FHAD1: variants seen among roughly 807,000 people sequenced by gnomAD.
FHAD1 encodes forkhead associated phosphopeptide binding domain 1.
In FHAD1, 146 loss-of-function variants were observed where a neutral mutation model predicts 191.3. The ratio of observed to expected loss-of-function variants is 0.76; its 90% confidence interval spans 0.67 to 0.88. The LOEUF (loss-of-function observed/expected upper bound fraction) is 0.88. Among genes scored for constraint, FHAD1 ranks in the 40% least tolerant of loss-of-function variants. The pLI is 0.00. For missense variants in FHAD1, 1,635 were observed against 1,785.8 expected, an observed-to-expected ratio of 0.92 and a Z score of 1.52; for synonymous variants, 616 against 672.3, an observed-to-expected ratio of 0.92 and a Z score of 1.29.
upstream of FHAD1, among the ~76,000 whole-genome samples, chr1:15,243,139 C>T (rs577243064): frequency 3.3e-5 from 5 of 152,290 alleles, no homozygotes; most frequent in South Asian, 6.2e-4. Flanking sequence ...ATGAAAGAGT[C>T]GACATGAGAC....
At chr1:15,324,405 A>C (rs1187291913) in intron 10 of FHAD1, 47 bp from the exon 11 acceptor site, 1 of 1,408,682 alleles carries the variant, frequency 7.1e-7, no homozygotes. Context: ...CCCAGAGTGC[A>C]TTATGATCAC....
At chr1:15,279,765 T>C (rs1659879514) in intron 3 of FHAD1, among the ~76,000 whole-genome samples, 1 of 151,946 alleles carries the variant, frequency 6.6e-6, no homozygotes, top group Non-Finnish European at 1.5e-5. Flanking sequence ...AGACATGGAA[T>C]GCTCTGACTG....
chr1:15,250,844 G>A (rs1441895329), intron 1 of FHAD1, among the ~76,000 whole-genome samples: 1 of 151,986 alleles, frequency 6.6e-6, no homozygotes, highest in African/African-American at 2.4e-5. Flanking sequence ...CTCTAAATAT[G>A]AATGAATGAA....
chr1:15,309,074 T>G, intron 7 of FHAD1, among the ~76,000 whole-genome samples: 1 of 152,178 alleles, frequency 6.6e-6, no homozygotes, highest in South Asian at 2.1e-4. Flanking sequence ...CATGAGCCAG[T>G]TTGCTGTGAA....
At chr1:15,389,104 A>G (rs1170804109) in intron 32 of FHAD1, among the ~76,000 whole-genome samples, 2 of 152,150 alleles carry the variant, frequency 1.3e-5, no homozygotes, top group African/African-American at 2.4e-5. Flanking sequence ...ACATCCTCAC[A>G]TCTTGTTTCC....
rs953252860 is a variant in FHAD1, at chr1:15,317,818, T to C, written c.1261-6T>C. The C allele has an allele frequency of 1.2e-5, 18 of 1,550,826 alleles. No individual in the cohort carries two copies. In the Admixed American group the frequency reaches 3.1e-4, roughly 27 times the overall value. On this transcript the variant is annotated splice_region_variant and splice_polypyrimidine_tract_variant and intron_variant, in intron 9 of 33. Coordinates refer to ENST00000688493, the MANE Select transcript of FHAD1 (RefSeq NM_001391957.1). ...GGGAGGTTCACTCTTGTTGAAACTT[T>C]TTCAGCAAATCCAAGACATGGAGAA...
At position 15,327,443 on chromosome 1, in the gene FHAD1, T is replaced by G; in HGVS notation, c.1557+301T>G. On this transcript the variant is annotated intron_variant, in intron 12 of 33. Coordinates refer to ENST00000688493, the MANE Select transcript of FHAD1 (RefSeq NM_001391957.1). The surrounding 1 kb of genome is among the most constrained non-coding windows in gnomAD (Gnocchi z 5.1). ...TAGCACTGGGAGAAAGGGAGCCGCC[T>G]CCCCACAGCCAGTGCGTTCTGGCGC... The G allele has an allele frequency of 3.4e-6, 1 of 290,346 alleles. No individual in the cohort carries two copies. Among genetic ancestry groups the G allele is most frequent in the Non-Finnish European group, 6.4e-6 (1 of 155,640 alleles). The allele number at this position is 290,346 out of a possible 1,614,324, so 18.0% of individuals were successfully genotyped here. A position where few individuals can be genotyped will look rare whatever the true frequency, so the allele number is the denominator to read the frequency against.
upstream of FHAD1, among the ~76,000 whole-genome samples, chr1:15,245,589 G>T (rs551225954): frequency 5.0e-4 from 76 of 152,302 alleles, no homozygotes; most frequent in African/African-American, 1.2e-3. Flanking sequence ...GACCCTCTCT[G>T]TTCCTGTGAA....
chr1:15,386,809 A>G (rs981712635), intron 31 of FHAD1, among the ~76,000 whole-genome samples: 3 of 150,362 alleles, frequency 2.0e-5, no homozygotes, highest in African/African-American at 7.4e-5. Context: ...CAACCTCTCA[A>G]TCGTGCTCTT....
intron 1 of FHAD1, among the ~76,000 whole-genome samples, chr1:15,250,455 A>C (rs532725947): frequency 6.6e-6 from 1 of 152,348 alleles, no homozygotes; most frequent in East Asian, 1.9e-4. Context: ...TGGTGGGTAC[A>C]TAGGAGCTCA....
rs959546989 is a variant in FHAD1 at position 15,289,960 on chromosome 1, G to T, written c.568+294G>T. On this transcript the variant is annotated intron_variant, in intron 4 of 33. Transcript: ENST00000688493. The surrounding 1 kb of genome is among the most constrained non-coding windows in gnomAD (Gnocchi z 4.2). ...GTGGCCTCTGTGTGTGTGTACATAT[G>T]AGTGTGTCATGGGATCACGTCAACA... Among the ~76,000 whole-genome samples the T allele has an allele frequency of 3.9e-5, 6 of 152,160 alleles. No individual in the cohort carries two copies. The highest frequency in any genetic ancestry group is 1.2e-4 in the African/African-American group (5 of 41,438).
chr1:15,388,771 T>A (rs2496334), intron 32 of FHAD1, among the ~76,000 whole-genome samples: 2 of 151,948 alleles, frequency 1.3e-5, no homozygotes, highest in African/African-American at 4.8e-5. Context: ...TGGATGCTCG[T>A]AAGTGCTCTT....
upstream of FHAD1, among the ~76,000 whole-genome samples, chr1:15,245,015 T>C (rs933872432): frequency 6.6e-6 from 1 of 152,142 alleles, no homozygotes; most frequent in Non-Finnish European, 1.5e-5. Flanking sequence ...AGAGATCACA[T>C]GATGAGAGAG....
At chr1:15,313,251 G>C in intron 8 of FHAD1, 64 bp downstream of exon 8, 1 of 1,315,348 alleles carries the variant, frequency 7.6e-7, no homozygotes, top group Non-Finnish European at 1.0e-6. Context: ...GTGAAGTCAC[G>C]TGATATGCTT....
chr1:15,342,140 T>C (rs985124961), intron 16 of FHAD1, among the ~76,000 whole-genome samples: 1 of 152,232 alleles, frequency 6.6e-6, no homozygotes, highest in African/African-American at 2.4e-5. Context: ...TGTTTGTGTA[T>C]GTATTGCAGT....
At chr1:15,396,509 CA>C (rs34210675) in intron 33 of FHAD1, among the ~76,000 whole-genome samples, 1 of 151,794 alleles carries the variant, frequency 6.6e-6, no homozygotes, top group Non-Finnish European at 1.5e-5. Flanking sequence ...ATTTTGTGTA[CA>C]AAAAAATAAC....
chr1:15,272,229 C>T (rs1471730999), intron 2 of FHAD1, 94 bp from the exon 3 acceptor site: 54 of 1,114,160 alleles, frequency 4.8e-5, no homozygotes, highest in Non-Finnish European at 5.7e-5. Context: ...GATGATCTGG[C>T]GGCGGCAAAA....
intron 26 of FHAD1, among the ~76,000 whole-genome samples, chr1:15,369,787 G>A (rs1321910216): frequency 6.6e-6 from 1 of 152,094 alleles, no homozygotes; most frequent in African/African-American, 2.4e-5. Context: ...GTGTGGATTC[G>A]TTCCACCTGT....
intron 32 of FHAD1, 47 bp downstream of exon 32, chr1:15,388,178 C>T: frequency 1.7e-6 from 2 of 1,183,282 alleles, no homozygotes; most frequent in African/African-American, 1.6e-5. Context: ...GAGACAGTCT[C>T]AACTGGGGGT....
Sources: allele counts gnomAD v4.1 joint callset (sites outside exome capture counted in the v4.1 genomes callset), GRCh38; gene constraint gnomAD v4.1.1; non-coding constraint Gnocchi (gnomAD v3.1); transcripts MANE v1.5; gene names NCBI Gene and HGNC (gene_info 2026-07-23, HGNC 2026-07-21).